EFCAB5: variants seen among roughly 807,000 people sequenced by gnomAD.
The protein encoded by EFCAB5 is EF-hand calcium binding domain 5, also known as EF-hand calcium-binding domain-containing protein 5.
In EFCAB5, 131 loss-of-function variants were observed where a neutral mutation model predicts 167.9. The ratio of observed to expected loss-of-function variants is 0.78; its 90% confidence interval spans 0.68 to 0.90. The LOEUF (loss-of-function observed/expected upper bound fraction) is 0.90, where lower values mean the gene tolerates loss of function less well. Among genes scored for constraint, EFCAB5 ranks in the 40% least tolerant of loss-of-function variants. The pLI is 0.00. For synonymous variants in EFCAB5, 574 were observed against 602.8 expected (o/e 0.95, Z 0.70); for missense variants, 1,663 against 1,745.2 (o/e 0.95, Z 0.84).
At chr17:29,997,982 G>A (rs2068583834) in intron 6 of EFCAB5, among the ~76,000 whole-genome samples, 2 of 151,548 alleles carry the variant, frequency 1.3e-5, no homozygotes, top group South Asian at 4.2e-4. Context: ...TAGAGTTTGG[G>A]TCCTGAGATT....
At chr17:30,080,711 C>A in intron 16 of EFCAB5, 42 bp from the exon 17 acceptor site, 1 of 1,409,564 alleles carries the variant, frequency 7.1e-7, no homozygotes, top group South Asian at 1.3e-5. Context: ...ATCTAAATCT[C>A]TCCCTGTGCC....
At chr17:30,038,055 G>A (rs771379415) in intron 8 of EFCAB5, among the ~76,000 whole-genome samples, 4 of 152,156 alleles carry the variant, frequency 2.6e-5, no homozygotes, top group Non-Finnish European at 5.9e-5. Context: ...CTGAAAGCTG[G>A]GCCCCTTGCT....
intron 3 of EFCAB5, 50 bp downstream of exon 3, chr17:29,943,699 C>T (rs1052398191): frequency 8.0e-6 from 12 of 1,490,942 alleles, no homozygotes; most frequent in East Asian, 2.6e-5. Flanking sequence ...ACTGGCTGGG[C>T]GTGGTGGCTC....
intron 3 of EFCAB5, among the ~76,000 whole-genome samples, chr17:29,958,344 G>T (rs1376722660): frequency 2.0e-5 from 3 of 151,496 alleles, no homozygotes; most frequent in African/African-American, 7.3e-5. Context: ...TTATAGTTTT[G>T]TCTCCTCTGA....
At position 30,090,504 on chromosome 17, in the gene EFCAB5, G is replaced by T. The variant is rs146481233; in HGVS notation, c.3767G>T (p.Arg1256Leu). 2 of 1,613,852 alleles carry T rather than the reference G, an allele frequency of 1.2e-6. No individual in the cohort carries two copies. The highest frequency in any genetic ancestry group is 1.7e-6 in the Non-Finnish European group (2 of 1,179,884). Residue 1256 changes from arginine to leucine, a missense_variant, in exon 20 of 23, where the codon CGT becomes CTT. Transcript: ENST00000394835. ...GAAACGCATATAGTAGTTCCACTTCGTGAGAGAACAGGAGAGGCTCTGGGA... is the reference window on the plus strand; with the variant it reads ...GAAACGCATATAGTAGTTCCACTTCTTGAGAGAACAGGAGAGGCTCTGGGA... ...CGETHIVVPL[R>L]ERTGEALGVL...
chr17:30,035,370 T>C (rs2069588704), intron 8 of EFCAB5, among the ~76,000 whole-genome samples: 1 of 152,228 alleles, frequency 6.6e-6, no homozygotes. Context: ...TTTGCTTTCA[T>C]TCTTTGCTTT....
Position 30,078,493 on chromosome 17 carries a change from G to T in EFCAB5, c.3016G>T (p.Ala1006Ser), listed in dbSNP as rs765623575. 2.0e-5 allele frequency: 32 copies of T among 1,592,146 alleles called. No individual in the cohort carries two copies. The South Asian group carries it at 3.3e-4, about 16-fold the overall frequency. Residue 1006 changes from alanine to serine, a missense_variant, in exon 15 of 23, where the codon GCC becomes TCC. Ala to Ser is a moderately conservative substitution (Grantham distance 99). Transcript: ENST00000394835. ...GCCGGTGTATAGTGAGACCTTTAAGGCCCTCATGCAGGTACGTTTCCTAAA... is the reference window on the plus strand; with the variant it reads ...GCCGGTGTATAGTGAGACCTTTAAGTCCCTCATGCAGGTACGTTTCCTAAA... Reference protein sequence around the residue: ...LEPVYSETFKALMQDAEAHGN... With the variant: ...LEPVYSETFKSLMQDAEAHGN...
At chr17:29,941,876 G>T in intron 1 of EFCAB5, 38 bp downstream of exon 1, 1 of 1,565,374 alleles carries the variant, frequency 6.4e-7, no homozygotes, top group Admixed American at 1.8e-5. Flanking sequence ...TTTATGGGAA[G>T]ATTTGAGATT....
At chr17:29,932,163 T>C (rs1327519924) in intron 1 of EFCAB5, among the ~76,000 whole-genome samples, 2 of 151,692 alleles carry the variant, frequency 1.3e-5, no homozygotes, top group Admixed American at 6.6e-5. Context: ...TTTTTTTTTT[T>C]TTTTTGAGAC....
intron 4 of EFCAB5, among the ~76,000 whole-genome samples, chr17:29,976,240 C>T (rs1322860890): frequency 6.6e-6 from 1 of 152,114 alleles, no homozygotes; most frequent in East Asian, 1.9e-4. Flanking sequence ...CACACTAGGA[C>T]ATTGGGTTCC....
intron 3 of EFCAB5, among the ~76,000 whole-genome samples, chr17:29,944,283 G>A (rs1274281464): frequency 6.6e-6 from 1 of 151,912 alleles, no homozygotes; most frequent in Non-Finnish European, 1.5e-5. Flanking sequence ...TTCTTGCTAT[G>A]TTTCCTGGGC....
intron 18 of EFCAB5, 39 bp from the exon 19 acceptor site, chr17:30,087,024 G>A (rs372130493): frequency 1.6e-5 from 25 of 1,563,124 alleles, no homozygotes; most frequent in Non-Finnish European, 2.1e-5. Flanking sequence ...AGAATATGAG[G>A]TCTAATTACT....
chr17:29,996,283 CT>C, intron 5 of EFCAB5, 28 bp from the exon 6 acceptor site: 1 of 1,533,314 alleles, frequency 6.5e-7, no homozygotes, highest in Non-Finnish European at 8.8e-7. Flanking sequence ...CATATGGTTT[CT>C]TTCTTTTTTT....
At chr17:30,091,265 A>G (rs1597563719) in intron 20 of EFCAB5, among the ~76,000 whole-genome samples, 1 of 152,326 alleles carries the variant, frequency 6.6e-6, no homozygotes, top group East Asian at 1.9e-4. Flanking sequence ...TTCCACATCC[A>G]CTAGGCTACT....
At chr17:29,961,908 A>G (rs2067726963) in intron 3 of EFCAB5, among the ~76,000 whole-genome samples, 1 of 152,192 alleles carries the variant, frequency 6.6e-6, no homozygotes, top group Admixed American at 6.5e-5. Context: ...CTTTTACACG[A>G]TGTATCAGGT....
chr17:30,092,842 T>A lies in EFCAB5; in HGVS notation c.4227T>A (p.Tyr1409Ter). The A allele has an allele frequency of 6.2e-7, 1 of 1,609,910 alleles. No individual in the cohort carries two copies. Among genetic ancestry groups the A allele is most frequent in the East Asian group, 2.2e-5 (1 of 44,660 alleles). Residue 1409 changes from tyrosine (Y) to a stop codon, truncating the protein, a stop_gained and splice_region_variant, in exon 22 of 23, where the codon TAT becomes TAA. Transcript: ENST00000394835. LOFTEE classifies it high-confidence loss of function. ...TTTCTCTTGTTGTTTGTTCACAGTA[T>A]GTTAACAAATATTTAGTCAACAATA... ...DFGSWDKCKF[Y>*]VNKYLVNNIC...
chr17:30,076,739 GGAGA>G (rs2151829595), intron 14 of EFCAB5, among the ~76,000 whole-genome samples: 1 of 152,250 alleles, frequency 6.6e-6, no homozygotes, highest in Admixed American at 6.5e-5. Context: ...ATATGCACCA[GGAGA>G]CATTTACAAA....
rs185622041 is a variant in EFCAB5, at chr17:30,057,347, G to A, written c.2366-329G>A. 2.6e-4 allele frequency among the ~76,000 whole-genome samples: 39 copies of A among 152,284 alleles called. No homozygotes were observed. The East Asian group carries it at 4.6e-3, about 18-fold the overall frequency. The stretch of plus-strand genomic sequence containing the variant: ...AATCAGAGTACAAAAAGAGTGATTC[G>A]TCCCTAATAGTTCTTCCAAAAGTTC... On this transcript the variant is annotated intron_variant, in intron 12 of 22. Transcript: ENST00000394835.
intron 7 of EFCAB5, among the ~76,000 whole-genome samples, chr17:30,033,159 A>G (rs2151736296): frequency 6.6e-6 from 1 of 152,076 alleles, no homozygotes; most frequent in South Asian, 2.1e-4. Context: ...GCTCACTGCA[A>G]GCTCCGCCTC....
Sources: gnomAD v4.1 joint callset for allele counts (sites outside exome capture counted in the v4.1 genomes callset) on GRCh38, gnomAD v4.1.1 for gene constraint, MANE v1.5 for transcripts, NCBI Gene and HGNC (gene_info 2026-07-23, HGNC 2026-07-21) for gene names.